COL11A1: variants seen among roughly 807,000 people sequenced by gnomAD.
The protein encoded by COL11A1 is collagen type XI alpha 1 chain.
A neutral mutation model predicts 265.2 loss-of-function variants in COL11A1; 74 were observed. The ratio of observed to expected loss-of-function variants is 0.28; its 90% CI spans 0.23 to 0.34. COL11A1 has a LOEUF of 0.34. Among genes scored for constraint, COL11A1 ranks in the 10% least tolerant of loss-of-function variants. The pLI, the probability that COL11A1 is intolerant of heterozygous loss-of-function variation, is 1.00. For missense variants in COL11A1, 2,165 were observed against 2,263.6 expected (o/e 0.96, Z 0.88); for synonymous variants, 816 against 727.6 (o/e 1.12, Z -1.96).
chr1:102,968,469 A>G (rs1661649034), intron 37 of COL11A1, among the ~76,000 whole-genome samples: 1 of 152,212 alleles, frequency 6.6e-6, no homozygotes, highest in Non-Finnish European at 1.5e-5. Flanking sequence ...AAACAACCCA[A>G]ATGAATGTAA....
At chr1:102,959,663 G>C (rs1660706889) in intron 41 of COL11A1, among the ~76,000 whole-genome samples, 1 of 152,082 alleles carries the variant, frequency 6.6e-6, no homozygotes, top group African/African-American at 2.4e-5. Context: ...ATATAACAAA[G>C]TAAGTAATAA....
intron 13 of COL11A1, 32 bp from the exon 14 acceptor site, chr1:103,012,501 A>T (rs770959062): frequency 6.4e-7 from 1 of 1,551,718 alleles, no homozygotes; most frequent in South Asian, 1.1e-5. Flanking sequence ...ATTCAGTAAT[A>T]TTCTCCTGGA....
intron 5 of COL11A1, among the ~76,000 whole-genome samples, chr1:103,028,176 G>T (rs913595242): frequency 2.0e-5 from 3 of 151,926 alleles, no homozygotes; most frequent in Admixed American, 6.6e-5. Context: ...GATTACAGGC[G>T]CCTGACACCA....
Position 103,082,961 on chromosome 1 carries a change from C to T in COL11A1, c.118G>A (p.Asp40Asn). Residue 40 changes from aspartate to asparagine, a missense_variant, in exon 2 of 67, where the codon GAT (aspartate) becomes AAT (asparagine). Physicochemically the swap from Asp to Asn is conservative, Grantham distance 23. Coordinates refer to ENST00000370096, the MANE Select transcript of COL11A1 (RefSeq NM_001854.4). ...AREVRGAAPV[D>N]VLKALDFHNS... ...TGAAAATCTAGTGCTTTTAGTACATCAACTGGAGCAGCTGAAAAATAAGCA... is the reference window on the plus strand; with the variant it reads ...TGAAAATCTAGTGCTTTTAGTACATTAACTGGAGCAGCTGAAAAATAAGCA... 1 of 1,612,774 alleles carries T rather than the reference C, an allele frequency of 6.2e-7. No individual in the cohort carries two copies. Among genetic ancestry groups the T allele is most frequent in the African/African-American group, 1.3e-5 (1 of 74,948 alleles).
intron 54 of COL11A1, among the ~76,000 whole-genome samples, chr1:102,903,569 A>T (rs1048126391): frequency 3.9e-5 from 6 of 152,202 alleles, no homozygotes; most frequent in South Asian, 2.1e-4. Context: ...ACTAAAGGGA[A>T]ACAGATTGTA....
At chr1:103,077,827 C>A (rs1672093965) in intron 3 of COL11A1, among the ~76,000 whole-genome samples, 1 of 152,032 alleles carries the variant, frequency 6.6e-6, no homozygotes, top group Non-Finnish European at 1.5e-5. Flanking sequence ...TGAGTTCAAA[C>A]CCCATCTCTA....
intron 4 of COL11A1, among the ~76,000 whole-genome samples, chr1:103,049,472 T>C (rs970842334): frequency 3.3e-5 from 5 of 152,192 alleles, no homozygotes; most frequent in Admixed American, 3.3e-4. Context: ...CTCCATCCTT[T>C]TATTTTGAGC....
chr1:102,912,155 T>C lies in COL11A1; in HGVS notation c.4086+4A>G. On this transcript the variant is annotated splice_donor_region_variant and intron_variant, in intron 54 of 66. Transcript: ENST00000370096. The stretch of plus-strand genomic sequence containing the variant: ...GTTTCAAATAAAGAATTAAAGAAAC[T>C]TACTCGTTTTCCAGGAGGACCTGGT... The C allele has an allele frequency of 6.2e-7, 1 of 1,608,318 alleles. No homozygotes were observed. Among genetic ancestry groups the C allele is most frequent in the Non-Finnish European group, 8.5e-7 (1 of 1,176,904 alleles).
intron 4 of COL11A1, among the ~76,000 whole-genome samples, chr1:103,034,268 ATTAC>A (rs1328302131): frequency 6.6e-6 from 1 of 152,042 alleles, no homozygotes; most frequent in Non-Finnish European, 1.5e-5. Context: ...GTGTTCAGTC[ATTAC>A]TTTGTTAAAT....
At chr1:102,978,610 T>C (rs1662728181) in intron 35 of COL11A1, 98 bp downstream of exon 35, 3 of 1,279,374 alleles carry the variant, frequency 2.3e-6, no homozygotes, top group Admixed American at 1.7e-5. Flanking sequence ...TGGATAGACA[T>C]GCACATGTAT....
chr1:102,883,049 A>G, intron 64 of COL11A1, 150 bp downstream of exon 64: 4 of 684,632 alleles, frequency 5.8e-6, no homozygotes, highest in Non-Finnish European at 2.7e-6. Context: ...TTTGGTGCTT[A>G]TTCATGTTTA....
At chr1:102,912,464 T>G (rs559653749) in intron 53 of COL11A1, among the ~76,000 whole-genome samples, 65 of 152,196 alleles carry the variant, frequency 4.3e-4, no homozygotes, top group Middle Eastern at 3.2e-3. Flanking sequence ...TAAAACTGTG[T>G]CCTATTAAAA....
In COL11A1 at chr1:102,888,936, C is replaced by A; in HGVS notation, c.4465-17G>T. 2 of 1,607,638 alleles carry A rather than the reference C, an allele frequency of 1.2e-6. No individual in the cohort carries two copies. Among genetic ancestry groups the A allele is most frequent in the South Asian group, 1.1e-5 (1 of 90,954 alleles). On this transcript the variant is annotated splice_polypyrimidine_tract_variant and intron_variant, in intron 59 of 66. Coordinates refer to ENST00000370096, the MANE Select transcript of COL11A1 (RefSeq NM_001854.4). ...AGGAATTCCCTAGAGAGAGAATCAGCCAATTTAAAGGGATTTTCTCAGCTA... is the reference window on the plus strand; with the variant it reads ...AGGAATTCCCTAGAGAGAGAATCAGACAATTTAAAGGGATTTTCTCAGCTA...
chr1:103,090,879 T>G (rs1673263513), intron 1 of COL11A1, among the ~76,000 whole-genome samples: 1 of 152,154 alleles, frequency 6.6e-6, no homozygotes, highest in Non-Finnish European at 1.5e-5. Flanking sequence ...CTAAACAGTT[T>G]TGATCTCTAA....
chr1:103,023,208 A>C (rs1166736862), intron 7 of COL11A1, among the ~76,000 whole-genome samples: 1 of 152,186 alleles, frequency 6.6e-6, no homozygotes, highest in Non-Finnish European at 1.5e-5. Flanking sequence ...CTTTCAAAGC[A>C]CTTTCTCCAA....
chr1:102,988,403 A>G (rs1313406116), intron 29 of COL11A1, among the ~76,000 whole-genome samples: 1 of 152,186 alleles, frequency 6.6e-6, no homozygotes, highest in African/African-American at 2.4e-5. Flanking sequence ...CTAGTCTCCT[A>G]TTCAGCTAAC....
chr1:103,029,908 C>T (rs1009330242), intron 5 of COL11A1, among the ~76,000 whole-genome samples: 1 of 152,016 alleles, frequency 6.6e-6, no homozygotes. Context: ...TTCCAAAAAT[C>T]AGAGCCATAT....
intron 28 of COL11A1, among the ~76,000 whole-genome samples, chr1:102,993,358 C>A (rs12139120): frequency 0.74 from 111,587 of 151,800 alleles, 43,541 homozygotes; most frequent in East Asian, 0.92. Context: ...AACCCAACTT[C>A]CTATATCAAA....
chr1:102,950,326 G>T (rs1659754071), intron 41 of COL11A1, among the ~76,000 whole-genome samples: 1 of 151,868 alleles, frequency 6.6e-6, no homozygotes, highest in Non-Finnish European at 1.5e-5. Flanking sequence ...TTGTTTATAA[G>T]TTTATTTGTA....
Sources: gnomAD v4.1 joint callset for allele counts (sites outside exome capture counted in the v4.1 genomes callset) on GRCh38, gnomAD v4.1.1 for gene constraint, MANE v1.5 for transcripts, NCBI Gene and HGNC (gene_info 2026-07-23, HGNC 2026-07-21) for gene names.